DYTN: variants seen among roughly 807,000 people sequenced by gnomAD.
The protein encoded by DYTN is dystrotelin.
In DYTN, 75 loss-of-function variants were observed where a neutral mutation model predicts 69.6. The ratio of observed to expected loss-of-function variants is 1.08; its 90% CI spans 0.89 to 1.31. The LOEUF (loss-of-function observed/expected upper bound fraction) is 1.31, where lower values mean the gene tolerates loss of function less well. DYTN is among the 50% of genes most tolerant of loss of function. DYTN has a pLI of 0.00. For synonymous variants in DYTN, 252 were observed against 249.1 expected, an observed-to-expected ratio of 1.01 and a Z score of -0.11; for missense variants, 726 against 688.4, an observed-to-expected ratio of 1.05 and a Z score of -0.61.
At chr2:206,694,973 T>C in intron 7 of DYTN, 96 bp from the exon 8 acceptor site, 1 of 834,532 alleles carries the variant, frequency 1.2e-6, no homozygotes, top group Non-Finnish European at 1.8e-6. Flanking sequence ...ACCCAAAATA[T>C]ACAGAAGATG....
At chr2:206,689,950 C>A (rs1246744712) in intron 9 of DYTN, among the ~76,000 whole-genome samples, 1 of 152,146 alleles carries the variant, frequency 6.6e-6, no homozygotes, top group Non-Finnish European at 1.5e-5. Flanking sequence ...TAGATTCTGG[C>A]AATACAACTG....
intron 7 of DYTN, among the ~76,000 whole-genome samples, chr2:206,695,439 T>C (rs1024613800): frequency 7.2e-5 from 11 of 152,180 alleles, no homozygotes; most frequent in Middle Eastern, 3.2e-3. Flanking sequence ...GTAGGAAAGA[T>C]ATAAAGTAGA....
At chr2:206,697,016 C>T (rs1311423109) in intron 7 of DYTN, among the ~76,000 whole-genome samples, 4 of 152,168 alleles carry the variant, frequency 2.6e-5, no homozygotes, top group African/African-American at 9.7e-5. Flanking sequence ...AGTTGTTCAA[C>T]ATACATAAAT....
rs372283021 is a variant in DYTN at position 206,704,881 on chromosome 2, G to A, written c.445C>T (p.Arg149Ter). 1.0e-4 allele frequency: 161 copies of A among 1,613,772 alleles called. No homozygotes were observed. The highest frequency in any genetic ancestry group is 1.2e-4 in the Non-Finnish European group (143 of 1,179,798). Residue 149 changes from arginine (R) to a stop codon, truncating the protein, a stop_gained, in exon 5 of 12, where the codon CGA becomes TGA. Coordinates refer to ENST00000452335, the MANE Select transcript of DYTN (RefSeq NM_001093730.1). LOFTEE classifies it high-confidence loss of function. Reference sequence around the variant, plus strand: ...GTTAGTAGTTTTCTCAAAACCCTTCGAGTCATGCGTGGCCCAGAATCATAG... The same window carrying A: ...GTTAGTAGTTTTCTCAAAACCCTTCAAGTCATGCGTGGCCCAGAATCATAG... The part of the protein sequence containing the change: ...GGYDSGPRMT[R>*]RVLRKLLTDL...
chr2:206,716,975 G>A (rs1700135677), intron 1 of DYTN, among the ~76,000 whole-genome samples: 1 of 151,696 alleles, frequency 6.6e-6, no homozygotes, highest in African/African-American at 2.4e-5. Context: ...TGAATGAGGA[G>A]CCCAGGTGAG....
At chr2:206,657,954 C>T (rs1699468319) in intron 11 of DYTN, among the ~76,000 whole-genome samples, 1 of 152,002 alleles carries the variant, frequency 6.6e-6, no homozygotes, top group African/African-American at 2.4e-5. Flanking sequence ...GCTTTCTGAC[C>T]CTTTCTTTCT....
At chr2:206,688,438 TA>T (rs914270595) in intron 9 of DYTN, among the ~76,000 whole-genome samples, 2 of 151,818 alleles carry the variant, frequency 1.3e-5, no homozygotes, top group South Asian at 4.2e-4. Flanking sequence ...AGCACAAATA[TA>T]AAAAAACAAG....
At chr2:206,657,582 T>G (rs1699464392) in intron 11 of DYTN, among the ~76,000 whole-genome samples, 1 of 152,242 alleles carries the variant, frequency 6.6e-6, no homozygotes, top group Admixed American at 6.5e-5. Flanking sequence ...ATTTTCATTT[T>G]ATAGTATTTT....
intron 4 of DYTN, 93 bp downstream of exon 4, chr2:206,705,695 G>T: frequency 9.2e-7 from 1 of 1,085,896 alleles, no homozygotes; most frequent in Non-Finnish European, 1.4e-6. Context: ...CTGAGTACAT[G>T]CTGAAGAGGC....
intron 5 of DYTN, chr2:206,701,222 C>T (rs1465252154): frequency 6.6e-6 from 1 of 152,194 alleles, no homozygotes; most frequent in Non-Finnish European, 1.5e-5. Flanking sequence ...CAAACACTTT[C>T]ATATCACATC....
chr2:206,686,322 G>T (rs1699805091), intron 9 of DYTN, among the ~76,000 whole-genome samples: 1 of 152,208 alleles, frequency 6.6e-6, no homozygotes, highest in African/African-American at 2.4e-5. Context: ...GATTAAAGGT[G>T]ACTTTTGGAA....
rs577427521 is a variant in DYTN at position 206,663,018 on chromosome 2, G to A, written c.1518C>T (p.Ala506=). 68 of 1,613,498 alleles carry A rather than the reference G, an allele frequency of 4.2e-5. No homozygotes were observed. In the South Asian group the frequency reaches 5.6e-4, roughly 13 times the overall value. The change falls in exon 11 of 12, where the codon GCC becomes GCT. Residue 506 remains alanine (A), a synonymous_variant. Coordinates refer to ENST00000452335, the MANE Select transcript of DYTN (RefSeq NM_001093730.1). ...TGTTACCTGCCTCTTTCTTTTCCACGGCTGCCAGAGCAGGACTGCTCATTT... is the reference window on the plus strand; with the variant it reads ...TGTTACCTGCCTCTTTCTTTTCCACAGCTGCCAGAGCAGGACTGCTCATTT... ...PAEMSSPALA[A]VEKKEAGNIK...
In DYTN at chr2:206,705,773, T is replaced by C; in HGVS notation, c.382+15A>G. 1.2e-6 allele frequency: 2 copies of C among 1,612,716 alleles called. No individual in the cohort carries two copies. Among genetic ancestry groups the C allele is most frequent in the Non-Finnish European group, 1.7e-6 (2 of 1,179,360 alleles). The stretch of plus-strand genomic sequence containing the variant: ...TCACTGCACTTTAGGACACCCGCAG[T>C]CCTCTGCATGTTACCTCGGTATTTT... On this transcript the variant is annotated intron_variant, in intron 4 of 11. Coordinates refer to ENST00000452335, the MANE Select transcript of DYTN (RefSeq NM_001093730.1).
chr2:206,683,054 G>A (rs1699767610), intron 9 of DYTN, among the ~76,000 whole-genome samples: 1 of 152,146 alleles, frequency 6.6e-6, no homozygotes, highest in Non-Finnish European at 1.5e-5. Context: ...AGGAAAAAAA[G>A]TAAAGCTAGA....
chr2:206,683,694 C>T (rs905869144), intron 9 of DYTN, among the ~76,000 whole-genome samples: 11 of 152,004 alleles, frequency 7.2e-5, no homozygotes, highest in Admixed American at 3.3e-4. Flanking sequence ...ATCATGCTAG[C>T]CCCCTTGCTG....
chr2:206,688,764 G>A (rs555395550), intron 9 of DYTN, among the ~76,000 whole-genome samples: 4 of 152,058 alleles, frequency 2.6e-5, no homozygotes, highest in Non-Finnish European at 5.9e-5. Flanking sequence ...TTTTCCTTTT[G>A]TTCAGGACTT....
At chr2:206,704,310 T>G (rs1700003993) in intron 5 of DYTN, among the ~76,000 whole-genome samples, 1 of 152,160 alleles carries the variant, frequency 6.6e-6, no homozygotes, top group Admixed American at 6.5e-5. Flanking sequence ...AGGAGTAGTT[T>G]GTTAAGTGAA....
At chr2:206,718,043 T>C (rs1008646389) in intron 1 of DYTN, among the ~76,000 whole-genome samples, 1 of 152,252 alleles carries the variant, frequency 6.6e-6, no homozygotes, top group Non-Finnish European at 1.5e-5. Context: ...TAGATTATTT[T>C]TGGTGCTTTC....
intron 5 of DYTN, among the ~76,000 whole-genome samples, chr2:206,702,439 G>C (rs769758005): frequency 2.0e-5 from 3 of 152,200 alleles, no homozygotes; most frequent in Non-Finnish European, 4.4e-5. Context: ...CTGACAATTA[G>C]CCAGGCAGAA....
Sources: allele counts gnomAD v4.1 joint callset (sites outside exome capture counted in the v4.1 genomes callset), GRCh38; gene constraint gnomAD v4.1.1; transcripts MANE v1.5; gene names NCBI Gene and HGNC (gene_info 2026-07-23, HGNC 2026-07-21).